The following TRIP4 variants were observed in gnomAD, a reference collection of about 807,000 sequenced individuals.
TRIP4 encodes the protein thyroid hormone receptor interactor 4.
A neutral mutation model predicts 81.8 loss-of-function variants in TRIP4; 54 were observed. The ratio of observed to expected loss-of-function variants is 0.66; its 90% CI spans 0.53 to 0.83. The LOEUF is 0.83. Ranked by LOEUF, TRIP4 falls within the 40% of genes least tolerant of loss-of-function variation. The pLI is 0.00. For synonymous variants in TRIP4, 270 were observed against 242.8 expected, an observed-to-expected ratio of 1.11 and a Z score of -1.04; for missense variants, 662 against 683.6, an observed-to-expected ratio of 0.97 and a Z score of 0.35.
chr15:64,447,682 C>T (rs766135977), intron 12 of TRIP4, among the ~76,000 whole-genome samples: 1 of 152,100 alleles, frequency 6.6e-6, no homozygotes, highest in Non-Finnish European at 1.5e-5. Context: ...GGCCCAGTAG[C>T]CCTGGAAATC....
At chr15:64,437,156 C>T (rs1329122275) in intron 11 of TRIP4, among the ~76,000 whole-genome samples, 1 of 151,772 alleles carries the variant, frequency 6.6e-6, no homozygotes, top group Non-Finnish European at 1.5e-5. Flanking sequence ...TGTGGTGGCT[C>T]ACACCTGTAA....
intron 12 of TRIP4, among the ~76,000 whole-genome samples, chr15:64,448,289 C>T (rs1892677656): frequency 6.6e-6 from 1 of 152,150 alleles, no homozygotes; most frequent in Admixed American, 6.6e-5. Context: ...TACTTTAGTA[C>T]TTTCTCTACA....
intron 11 of TRIP4, among the ~76,000 whole-genome samples, chr15:64,435,844 GAC>G (rs1892381198): frequency 2.2e-5 from 1 of 44,698 alleles, no homozygotes; most frequent in Admixed American, 2.4e-4. Context: ...AAAAAAAAAA[GAC>G]AAGTCCTGCA....
intron 12 of TRIP4, among the ~76,000 whole-genome samples, chr15:64,451,259 A>G (rs892772105): frequency 6.9e-6 from 1 of 145,286 alleles, no homozygotes; most frequent in Non-Finnish European, 1.5e-5. Flanking sequence ...ATTACAGGCG[A>G]GCACCATCAC....
intron 12 of TRIP4, 37 bp downstream of exon 12, chr15:64,445,145 T>C (rs781577742): frequency 1.7e-6 from 2 of 1,169,964 alleles, no homozygotes; most frequent in African/African-American, 1.5e-5. Flanking sequence ...ACTAGTCAAG[T>C]GCAGTAGTAA....
At chr15:64,392,427 A>C (rs752697492) in intron 1 of TRIP4, among the ~76,000 whole-genome samples, 1 of 152,192 alleles carries the variant, frequency 6.6e-6, no homozygotes, top group Non-Finnish European at 1.5e-5. Flanking sequence ...AAAATGTGTA[A>C]GTCCTGAAAA....
chr15:64,432,867 C>T (rs868505569), intron 11 of TRIP4, among the ~76,000 whole-genome samples: 6 of 151,860 alleles, frequency 4.0e-5, no homozygotes, highest in South Asian at 2.1e-4. Flanking sequence ...GCCAAGATTG[C>T]GCCACTGTAC....
At chr15:64,431,847 A>ATATATATTTTTTTTT in intron 11 of TRIP4, among the ~76,000 whole-genome samples, 1 of 119,560 alleles carries the variant, frequency 8.4e-6, no homozygotes, top group African/African-American at 3.3e-5. Flanking sequence ...ATATATATAT[A>ATATATATTTTTTTTT]TTTTTTTTAT....
At chr15:64,404,197 A>AG (rs1240357947) in intron 5 of TRIP4, among the ~76,000 whole-genome samples, 1 of 152,244 alleles carries the variant, frequency 6.6e-6, no homozygotes, top group African/African-American at 2.4e-5. Flanking sequence ...TCTCAAAAAA[A>AG]AAAAATCATA....
chr15:64,419,468 C>G (rs1891961226), intron 9 of TRIP4, among the ~76,000 whole-genome samples: 1 of 151,268 alleles, frequency 6.6e-6, no homozygotes, highest in African/African-American at 2.4e-5. Flanking sequence ...ACGCCATTCT[C>G]CTGCCTCAGC....
intron 6 of TRIP4, among the ~76,000 whole-genome samples, chr15:64,408,427 T>C (rs1411875229): frequency 2.6e-5 from 4 of 151,556 alleles, no homozygotes; most frequent in Admixed American, 6.6e-5. Context: ...CCCAGCTAAT[T>C]TTTTTGTATT....
intron 11 of TRIP4, among the ~76,000 whole-genome samples, chr15:64,430,465 G>T (rs576288808): frequency 6.6e-6 from 1 of 152,316 alleles, no homozygotes; most frequent in East Asian, 1.9e-4. Context: ...ATGCATCAAG[G>T]CTGTGGTTTG....
At chr15:64,416,413 C>T (rs1201026815) in intron 8 of TRIP4, among the ~76,000 whole-genome samples, 1 of 152,038 alleles carries the variant, frequency 6.6e-6, no homozygotes, top group African/African-American at 2.4e-5. Flanking sequence ...TGTTCACATA[C>T]CAACATTTTA....
intron 8 of TRIP4, among the ~76,000 whole-genome samples, chr15:64,418,060 T>G (rs1198362321): frequency 6.6e-6 from 1 of 152,190 alleles, no homozygotes; most frequent in African/African-American, 2.4e-5. Flanking sequence ...ATGTATACTA[T>G]CTCTACCCTT....
intron 9 of TRIP4, among the ~76,000 whole-genome samples, chr15:64,423,090 A>G (rs1241979618): frequency 6.6e-6 from 1 of 152,210 alleles, no homozygotes; most frequent in Non-Finnish European, 1.5e-5. Flanking sequence ...TCCTGAATAC[A>G]TTCTGTTATT....
chr15:64,388,430 C>G (rs547358533), intron 1 of TRIP4, among the ~76,000 whole-genome samples: 20 of 152,290 alleles, frequency 1.3e-4, no homozygotes, highest in African/African-American at 4.8e-4. Context: ...CCTGAGCCTC[C>G]CAAGTAGCTG....
chr15:64,407,661 T>C (rs990051592), intron 6 of TRIP4, among the ~76,000 whole-genome samples: 1 of 148,346 alleles, frequency 6.7e-6, no homozygotes, highest in East Asian at 1.9e-4. Flanking sequence ...AGTGAGACTC[T>C]GTCTCAAAAA....
intron 9 of TRIP4, among the ~76,000 whole-genome samples, chr15:64,419,787 A>T (rs12903003): frequency 6.6e-6 from 1 of 151,980 alleles, no homozygotes; most frequent in Non-Finnish European, 1.5e-5. Flanking sequence ...CACACCAAGA[A>T]ACCGCTGTTA....
rs146932568 is a variant in TRIP4, at chr15:64,388,936, T to G, written c.101+972T>G. The stretch of plus-strand genomic sequence containing the variant: ...ACTGATTGAAGAACATTTGTTGCGC[T>G]GCTGTTACACGCCAGGTGCTGGGGT... On this transcript the variant is annotated intron_variant, in intron 1 of 12. Coordinates refer to ENST00000261884, the MANE Select transcript of TRIP4 (RefSeq NM_016213.5). Among the ~76,000 whole-genome samples the G allele has an allele frequency of 3.0e-3, 463 of 152,328 alleles. 1 individual carries two copies. Among genetic ancestry groups the G allele is most frequent in the Middle Eastern group, 6.8e-3 (2 of 294 alleles).
Sources: allele counts gnomAD v4.1 joint callset (sites outside exome capture counted in the v4.1 genomes callset), GRCh38; gene constraint gnomAD v4.1.1; transcripts MANE v1.5; gene names NCBI Gene and HGNC (gene_info 2026-07-23, HGNC 2026-07-21).